Variants in SLC25A48 observed in about 807,000 individuals in gnomAD.
The protein encoded by SLC25A48 is solute carrier family 25 member 48, also known as CTC-321K16.1.
In SLC25A48, 29 loss-of-function variants were observed where a neutral mutation model predicts 32.2. The ratio of observed to expected loss-of-function variants is 0.90; its 90% CI spans 0.67 to 1.23. The LOEUF is 1.23. Among genes scored for constraint, SLC25A48 ranks in the 50% most tolerant of loss-of-function variants. The probability of loss-of-function intolerance (pLI) is 0.00; values close to 1 mark genes in which losing one functional copy is unlikely to be tolerated. For synonymous variants in SLC25A48, 164 were observed against 172.3 expected (o/e 0.95, Z 0.38); for missense variants, 399 against 422.7 (o/e 0.94, Z 0.49).
intron 3 of SLC25A48, among the ~76,000 whole-genome samples, chr5:135,726,957 G>A (rs148848894): frequency 1.0e-3 from 156 of 152,004 alleles, no homozygotes; most frequent in African/African-American, 3.5e-3. Flanking sequence ...ATAGATCCTC[G>A]GCAGCATTTG....
At chr5:135,692,569 C>T (rs1050767588) in intron 3 of SLC25A48, among the ~76,000 whole-genome samples, 2 of 152,142 alleles carry the variant, frequency 1.3e-5, no homozygotes, top group African/African-American at 4.8e-5. Flanking sequence ...TTTGATCTCA[C>T]TTTGTCCTCT....
chr5:135,875,527 T>A (rs978878886), intron 6 of SLC25A48: 1 of 152,226 alleles, frequency 6.6e-6, no homozygotes, highest in South Asian at 2.1e-4. Flanking sequence ...CAGCCCTTAG[T>A]ATTCAATCAT....
intron 4 of SLC25A48, among the ~76,000 whole-genome samples, chr5:135,813,759 G>T (rs1441379909): frequency 6.6e-6 from 1 of 152,174 alleles, no homozygotes; most frequent in Non-Finnish European, 1.5e-5. Context: ...AATCCTGGGC[G>T]GGAGGAAGAG....
chr5:135,666,501 C>G (rs866192754), intron 3 of SLC25A48, among the ~76,000 whole-genome samples: 1 of 152,136 alleles, frequency 6.6e-6, no homozygotes, highest in South Asian at 2.1e-4. Flanking sequence ...TCCTTCTGCT[C>G]CTCGATGTTT....
At chr5:135,624,634 G>A (rs1752402053) in intron 1 of SLC25A48, among the ~76,000 whole-genome samples, 2 of 152,100 alleles carry the variant, frequency 1.3e-5, no homozygotes, top group African/African-American at 2.4e-5. Flanking sequence ...TGTTTTTATG[G>A]GTCTTCTTAA....
At chr5:135,658,091 C>T (rs1192234545) in intron 3 of SLC25A48, among the ~76,000 whole-genome samples, 1 of 152,192 alleles carries the variant, frequency 6.6e-6, no homozygotes, top group Non-Finnish European at 1.5e-5. Flanking sequence ...CCAGCAATCC[C>T]ACAAAGTCTT....
intron 1 of SLC25A48, among the ~76,000 whole-genome samples, chr5:135,619,025 A>T (rs1458246341): frequency 6.6e-6 from 1 of 151,824 alleles, no homozygotes. Context: ...CTGTATCTGG[A>T]TGACTAAATC....
chr5:135,777,361 C>T (rs1488620308), intron 3 of SLC25A48, among the ~76,000 whole-genome samples: 1 of 151,690 alleles, frequency 6.6e-6, no homozygotes, highest in Non-Finnish European at 1.5e-5. Context: ...GGATATTACT[C>T]CCAATATTGT....
intron 3 of SLC25A48, among the ~76,000 whole-genome samples, chr5:135,655,349 C>T (rs1161414191): frequency 1.3e-5 from 2 of 152,184 alleles, no homozygotes; most frequent in South Asian, 2.1e-4. Flanking sequence ...TCTGTGCTCC[C>T]TGTCTCAAGG....
At chr5:135,636,070 T>C (rs1280920402) in intron 3 of SLC25A48, among the ~76,000 whole-genome samples, 1 of 152,180 alleles carries the variant, frequency 6.6e-6, no homozygotes, top group Non-Finnish European at 1.5e-5. Context: ...AGATTAGAGG[T>C]GAATGATTCT....
intron 3 of SLC25A48, among the ~76,000 whole-genome samples, chr5:135,646,601 T>TTA (rs1220055624): frequency 6.8e-6 from 1 of 147,214 alleles, no homozygotes; most frequent in Non-Finnish European, 1.5e-5. Flanking sequence ...TATATACTCA[T>TTA]TATATATATA....
intron 3 of SLC25A48, among the ~76,000 whole-genome samples, chr5:135,805,736 A>G (rs1290493966): frequency 6.6e-6 from 1 of 151,070 alleles, no homozygotes; most frequent in Non-Finnish European, 1.5e-5. Flanking sequence ...ACCCTGTGAT[A>G]TCTGTAATAT....
chr5:135,650,578 G>T (rs370993355), intron 3 of SLC25A48: 3 of 169,932 alleles, frequency 1.8e-5, no homozygotes, highest in Non-Finnish European at 3.5e-5. Flanking sequence ...AACAACAACA[G>T]AACTCTTTCT....
intron 3 of SLC25A48, among the ~76,000 whole-genome samples, chr5:135,800,796 A>T (rs1463080139): frequency 6.6e-6 from 1 of 151,256 alleles, no homozygotes; most frequent in Non-Finnish European, 1.5e-5. Flanking sequence ...TCCGGTGGGG[A>T]GTGGATGATA....
intron 3 of SLC25A48, among the ~76,000 whole-genome samples, chr5:135,654,116 T>C (rs1390818443): frequency 6.6e-6 from 1 of 152,062 alleles, no homozygotes; most frequent in Non-Finnish European, 1.5e-5. Flanking sequence ...TGGGCAACCG[T>C]CTAGGGAAAA....
chr5:135,611,069 A>G (rs1299441450), intron 1 of SLC25A48, among the ~76,000 whole-genome samples: 2 of 152,246 alleles, frequency 1.3e-5, no homozygotes, highest in Non-Finnish European at 2.9e-5. Context: ...TAATAGTTGT[A>G]CAATCAATGA....
chr5:135,716,992 T>C (rs1754816412), intron 3 of SLC25A48, among the ~76,000 whole-genome samples: 2 of 152,220 alleles, frequency 1.3e-5, no homozygotes, highest in Non-Finnish European at 1.5e-5. Context: ...TGGGAGGGCA[T>C]AACCATTATA....
chr5:135,642,751 T>C (rs1426474544), intron 3 of SLC25A48, among the ~76,000 whole-genome samples: 2 of 152,134 alleles, frequency 1.3e-5, no homozygotes, highest in East Asian at 3.9e-4. Flanking sequence ...CTGGCTACGA[T>C]CTCATAGAAA....
At chr5:135,681,082 T>A (rs1753887007) in intron 3 of SLC25A48, among the ~76,000 whole-genome samples, 1 of 152,196 alleles carries the variant, frequency 6.6e-6, no homozygotes. Flanking sequence ...GCCTCCCATG[T>A]TCAAGTGATT....
Sources: gnomAD v4.1 joint callset for allele counts (sites outside exome capture counted in the v4.1 genomes callset) on GRCh38, gnomAD v4.1.1 for gene constraint, MANE v1.5 for transcripts, NCBI Gene and HGNC (gene_info 2026-07-23, HGNC 2026-07-21) for gene names.